Variants in CCDC141 observed in about 807,000 individuals in gnomAD.
CCDC141 encodes the protein coiled-coil domain containing 141.
CCDC141 carries 168 observed loss-of-function variants against 181.0 expected under a neutral mutation model. The ratio of observed to expected loss-of-function variants is 0.93; its 90% CI spans 0.82 to 1.05. CCDC141 has a LOEUF of 1.05. Among genes scored for constraint, CCDC141 ranks in the 50% least tolerant of loss-of-function variants. The pLI is 0.00. For missense variants in CCDC141, 1,902 were observed against 1,788.5 expected, an observed-to-expected ratio of 1.06 and a Z score of -1.14; for synonymous variants, 666 against 642.3, an observed-to-expected ratio of 1.04 and a Z score of -0.56.
At chr2:178,964,780 G>C (rs1690552327) in intron 4 of CCDC141, among the ~76,000 whole-genome samples, 1 of 152,112 alleles carries the variant, frequency 6.6e-6, no homozygotes, top group South Asian at 2.1e-4. Context: ...AAACTGTCTA[G>C]ATATACTGTG....
chr2:179,003,185 T>C (rs1357938718), intron 2 of CCDC141, among the ~76,000 whole-genome samples: 1 of 152,230 alleles, frequency 6.6e-6, no homozygotes, highest in East Asian at 1.9e-4. Context: ...GTTGACATAA[T>C]ATTATCTTTC....
chr2:178,893,629 G>C (rs1246761674), intron 8 of CCDC141, among the ~76,000 whole-genome samples: 3 of 151,936 alleles, frequency 2.0e-5, no homozygotes, highest in Non-Finnish European at 4.4e-5. Flanking sequence ...TTATGTTTAT[G>C]GTTGTCTTTA....
At chr2:179,015,209 ATC>A (rs1319935869) in intron 2 of CCDC141, among the ~76,000 whole-genome samples, 4 of 126,228 alleles carry the variant, frequency 3.2e-5, no homozygotes, top group Non-Finnish European at 6.5e-5. Flanking sequence ...TATCATATAT[ATC>A]ATATATCTCA....
In CCDC141 at chr2:178,888,592, C is replaced by T; in HGVS notation, c.1342G>A (p.Ala448Thr). 6.4e-7 allele frequency: 1 copy of T among 1,550,706 alleles called. No homozygotes were observed. Among genetic ancestry groups the T allele is most frequent in the Non-Finnish European group, 8.7e-7 (1 of 1,146,888 alleles). The change falls in exon 9 of 24, where the codon GCG (alanine) becomes ACG (threonine). Residue 448 changes from alanine (A) to threonine (T), a missense_variant. Coordinates refer to ENST00000443758, the MANE Select transcript of CCDC141 (RefSeq NM_173648.4). The stretch of plus-strand genomic sequence containing the variant: ...TTCTTAAGAGCATATTCCTTGTGCG[C>T]TGAACACTGTTCGGTCAGATGATCC... ...RVDHLTEQCS[A>T]HKEYALKKQQ...
chr2:178,974,394 A>G (rs1038632885), intron 4 of CCDC141, among the ~76,000 whole-genome samples: 1 of 152,210 alleles, frequency 6.6e-6, no homozygotes, highest in Non-Finnish European at 1.5e-5. Context: ...CTTCCATTGC[A>G]AAAGATGACA....
chr2:179,027,516 G>A (rs1241425090), intron 2 of CCDC141, among the ~76,000 whole-genome samples: 1 of 151,478 alleles, frequency 6.6e-6, no homozygotes, highest in Non-Finnish European at 1.5e-5. Context: ...ATGGTGGCGG[G>A]TGCCTGTAGT....
At chr2:178,887,149 C>G (rs1163601711) in intron 9 of CCDC141, among the ~76,000 whole-genome samples, 1 of 152,128 alleles carries the variant, frequency 6.6e-6, no homozygotes, top group Non-Finnish European at 1.5e-5. Context: ...CATCCACATC[C>G]TCTAAGAACT....
At chr2:178,950,504 TG>T (rs1689909813) in intron 5 of CCDC141, among the ~76,000 whole-genome samples, 1 of 152,236 alleles carries the variant, frequency 6.6e-6, no homozygotes, top group African/African-American at 2.4e-5. Context: ...GTGTTGCTGA[TG>T]TTTGTACCTG....
chr2:178,961,547 A>C, intron 4 of CCDC141, 64 bp from the exon 5 acceptor site: 1 of 1,195,256 alleles, frequency 8.4e-7, no homozygotes, highest in East Asian at 2.6e-5. Flanking sequence ...AGCAATATTC[A>C]GACTCTTCAT....
intron 21 of CCDC141, among the ~76,000 whole-genome samples, chr2:178,847,685 TA>T (rs1684996943): frequency 6.6e-6 from 1 of 152,170 alleles, no homozygotes; most frequent in Non-Finnish European, 1.5e-5. Context: ...TAATTATATG[TA>T]GTAGTTATAT....
At chr2:178,891,898 T>C (rs1288112828) in intron 8 of CCDC141, among the ~76,000 whole-genome samples, 1 of 151,814 alleles carries the variant, frequency 6.6e-6, no homozygotes, top group Non-Finnish European at 1.5e-5. Flanking sequence ...AAATAAATGG[T>C]GTCCTATTTA....
chr2:179,015,081 T>TATATATATATATA (rs2042398559), intron 2 of CCDC141, among the ~76,000 whole-genome samples: 1 of 36,048 alleles, frequency 2.8e-5, no homozygotes, highest in Admixed American at 2.2e-4. Flanking sequence ...TATATATATA[T>TATATATATATATA]ATATATATAT....
intron 2 of CCDC141, among the ~76,000 whole-genome samples, chr2:179,022,870 G>A (rs145091274): frequency 1.2e-3 from 177 of 152,252 alleles, no homozygotes; most frequent in Middle Eastern, 3.4e-3. Flanking sequence ...GCTATGTGAC[G>A]TGGTTCCTGC....
chr2:178,855,270 G>C lies in CCDC141; in HGVS notation c.3060+77C>G, dbSNP rs555875595. The C allele has an allele frequency of 1.3e-4, 157 of 1,176,282 alleles. No individual in the cohort carries two copies. In the African/African-American group the frequency reaches 1.5e-3, roughly 11 times the overall value. The allele number at this position is 1,176,282 out of a possible 1,614,324, so 72.9% of individuals were successfully genotyped here. Reference sequence around the variant, plus strand: ...GAATATAATGAGAATAACAGCTAATGCAACATTGCTTTAAAGTTGCAAAAT... The same window carrying C: ...GAATATAATGAGAATAACAGCTAATCCAACATTGCTTTAAAGTTGCAAAAT... On this transcript the variant is annotated intron_variant, in intron 19 of 23. Transcript: ENST00000443758.
intron 5 of CCDC141, among the ~76,000 whole-genome samples, chr2:178,946,359 T>C (rs935365870): frequency 1.3e-5 from 2 of 152,198 alleles, no homozygotes; most frequent in Admixed American, 1.3e-4. Flanking sequence ...AACAAAATAA[T>C]TTTCTCCCAA....
intron 6 of CCDC141, among the ~76,000 whole-genome samples, chr2:178,932,800 A>C (rs1246688999): frequency 1.3e-5 from 2 of 152,226 alleles, no homozygotes; most frequent in Non-Finnish European, 2.9e-5. Context: ...TAAAACAATA[A>C]ACATATTTTG....
intron 14 of CCDC141, among the ~76,000 whole-genome samples, chr2:178,870,719 T>C (rs144134195): frequency 3.9e-5 from 6 of 152,322 alleles, no homozygotes; most frequent in Admixed American, 2.0e-4. Context: ...CTGGGATTCT[T>C]TGAAGCCCAC....
At chr2:178,829,753 A>C (rs768748350), downstream of CCDC141, 15 of 152,252 alleles carry the variant, frequency 9.9e-5, no homozygotes, top group Non-Finnish European at 4.4e-5. Context: ...ACAATATCAG[A>C]GCATACTGGA....
At chr2:178,982,743 C>T (rs940314768) in intron 2 of CCDC141, among the ~76,000 whole-genome samples, 2 of 152,302 alleles carry the variant, frequency 1.3e-5, no homozygotes, top group East Asian at 1.9e-4. Flanking sequence ...CACCCGAATA[C>T]TGAGCTTTTC....
Sources: allele counts gnomAD v4.1 joint callset (sites outside exome capture counted in the v4.1 genomes callset), GRCh38; gene constraint gnomAD v4.1.1; transcripts MANE v1.5; gene names NCBI Gene and HGNC (gene_info 2026-07-23, HGNC 2026-07-21).